LGI2: variants seen among roughly 807,000 people sequenced by gnomAD.
The protein encoded by LGI2 is leucine-rich repeat LGI family member 2.
In LGI2, 30 loss-of-function variants were observed where a neutral mutation model predicts 52.0. That is an observed-to-expected ratio of 0.58 (90% CI 0.43 to 0.78). The LOEUF (loss-of-function observed/expected upper bound fraction) is 0.78. Among genes scored for constraint, LGI2 ranks in the 30% least tolerant of loss-of-function variants. LGI2 has a pLI of 0.00. For synonymous variants in LGI2, 270 were observed against 271.8 expected (o/e 0.99, Z 0.06); for missense variants, 573 against 692.5 (o/e 0.83, Z 1.94).
chr4:25,021,194 T>C (rs7670617), intron 4 of LGI2, among the ~76,000 whole-genome samples: 57,905 of 151,904 alleles, frequency 0.38, 14,034 homozygotes, highest in East Asian at 0.69. Context: ...GGATTATTTA[T>C]CCCACTCACA....
At chr4:25,018,297 T>C in intron 5 of LGI2, 139 bp from the exon 6 acceptor site, 1 of 593,148 alleles carries the variant, frequency 1.7e-6, no homozygotes, top group Non-Finnish European at 2.9e-6. Context: ...TAAAAACTTT[T>C]ATAATTAATA....
intron 7 of LGI2, among the ~76,000 whole-genome samples, chr4:25,006,459 T>G (rs1379553225): frequency 1.3e-5 from 2 of 152,212 alleles, no homozygotes; most frequent in Non-Finnish European, 2.9e-5. Context: ...AAGGATTGGC[T>G]CTGGGGGCTG....
At position 25,026,155 on chromosome 4, in the gene LGI2, G is replaced by C. The variant is rs967849269; in HGVS notation, c.341+713C>G. Reference sequence around the variant, plus strand: ...ACCTGTTGAACTCAGACAAGAAAATGAGACAAGGCTTTAAAAATCCCTCTG... The same window carrying C: ...ACCTGTTGAACTCAGACAAGAAAATCAGACAAGGCTTTAAAAATCCCTCTG... On this transcript the variant is annotated intron_variant, in intron 3 of 7. Coordinates refer to ENST00000382114, the MANE Select transcript of LGI2 (RefSeq NM_018176.4). 2.0e-5 allele frequency among the ~76,000 whole-genome samples: 3 copies of C among 151,606 alleles called. No individual in the cohort carries two copies. The Admixed American group carries it at 2.0e-4, about 10-fold the overall frequency.
intron 4 of LGI2, among the ~76,000 whole-genome samples, chr4:25,022,609 C>T (rs1726007772): frequency 6.6e-6 from 1 of 152,180 alleles, no homozygotes; most frequent in Non-Finnish European, 1.5e-5. Flanking sequence ...GCCTCTTGTA[C>T]ACATGTACAC....
intron 7 of LGI2, among the ~76,000 whole-genome samples, chr4:25,010,370 AC>A (rs1725540409): frequency 6.6e-6 from 1 of 152,142 alleles, no homozygotes; most frequent in African/African-American, 2.4e-5. Flanking sequence ...ACCATGAGAA[AC>A]CCTGGGCTCA....
Position 25,030,520 on chromosome 4 carries a change from G to A in LGI2, c.174C>T (p.Ile58=), listed in dbSNP as rs531671519. The part of the protein sequence containing the change: ...ICVGSSWVPR[I]VPGDISSLSL... ...ACAGGGAGCTGATGTCGCCCGGCAC[G>A]ATCCTGGGCACCCAGGAAGAGCCCA... The change falls in exon 1 of 8, where the codon ATC becomes ATT. Residue 58 remains isoleucine (I), a synonymous_variant. Transcript: ENST00000382114. 6.3e-7 allele frequency: 1 copy of A among 1,594,786 alleles called. No homozygotes were observed. Among genetic ancestry groups the A allele is most frequent in the Admixed American group, 1.8e-5 (1 of 57,068 alleles).
At chr4:25,014,675 A>G (rs1390062784) in intron 6 of LGI2, among the ~76,000 whole-genome samples, 1 of 151,998 alleles carries the variant, frequency 6.6e-6, no homozygotes, top group Non-Finnish European at 1.5e-5. Flanking sequence ...CTAAAAATTA[A>G]GAAAAATTAG....
chr4:25,017,292 C>T (rs538138547), intron 6 of LGI2, among the ~76,000 whole-genome samples: 93 of 152,018 alleles, frequency 6.1e-4, no homozygotes, highest in African/African-American at 2.1e-3. Flanking sequence ...ACCTGTAATC[C>T]CAGCACTTTG....
intron 4 of LGI2, among the ~76,000 whole-genome samples, chr4:25,021,487 C>A (rs16876637): frequency 1.3e-5 from 2 of 152,106 alleles, no homozygotes; most frequent in African/African-American, 4.8e-5. Context: ...ATAGGAACTT[C>A]CGTAAGCACG....
rs750963597 is a variant in LGI2, at chr4:24,999,935, G to A, written c.*3516C>T. ...GTGGACAATGTGACAAGAACCAGATGTGTCTCAACCTCAACATCCTCCCCA... is the reference window on the plus strand; with the variant it reads ...GTGGACAATGTGACAAGAACCAGATATGTCTCAACCTCAACATCCTCCCCA... On this transcript the variant is annotated 3_prime_UTR_variant, in exon 8 of 8. Transcript: ENST00000382114. 1.3e-5 allele frequency: 6 copies of A among 452,036 alleles called. No individual in the cohort carries two copies. Among genetic ancestry groups the A allele is most frequent in the Non-Finnish European group, 2.2e-5 (5 of 224,484 alleles). 28.0% of individuals were successfully genotyped at this position (452,036 alleles called of 1,614,324 possible).
In LGI2 at chr4:25,000,259, T is replaced by C. The variant is rs2109400361; in HGVS notation, c.*3192A>G. The C allele has an allele frequency of 6.5e-6, 1 of 155,022 alleles. No individual in the cohort carries two copies. The highest frequency in any genetic ancestry group is 1.4e-5 in the Non-Finnish European group (1 of 69,924). 9.6% of individuals were successfully genotyped at this position (155,022 alleles called of 1,614,324 possible). A position where few individuals can be genotyped will look rare whatever the true frequency, so the allele number is the denominator to read the frequency against. On this transcript the variant is annotated 3_prime_UTR_variant, in exon 8 of 8. Coordinates refer to ENST00000382114, the MANE Select transcript of LGI2 (RefSeq NM_018176.4). ...CTTTCTCTGGGAGAGTATAGCAGGG[T>C]GTCTTAGAAAGAAAATACAATGTCT...
Position 25,018,029 on chromosome 4 carries a change from T to C in LGI2, c.615A>G (p.Leu205=), listed in dbSNP as rs1289309939. 2 of 1,612,886 alleles carry C rather than the reference T, an allele frequency of 1.2e-6. No homozygotes were observed. Among genetic ancestry groups the C allele is most frequent in the Non-Finnish European group, 1.7e-6 (2 of 1,179,794 alleles). The stretch of plus-strand genomic sequence containing the variant: ...CATAGTCAAAGCTGGTCACGTCATT[T>C]AGCTTCTTTTCCTGATACTCTGGTG... ...IGPPEYQEKK[L]NDVTSFDYEC... is the part of the protein sequence containing the mutation. The change falls in exon 6 of 8, where the codon CTA becomes CTG. Residue 205 remains leucine (L), a synonymous_variant. Coordinates refer to ENST00000382114, the MANE Select transcript of LGI2 (RefSeq NM_018176.4).
intron 7 of LGI2, among the ~76,000 whole-genome samples, chr4:25,008,322 G>A (rs1725458974): frequency 6.6e-6 from 1 of 152,102 alleles, no homozygotes. Flanking sequence ...GGAGGCCGAG[G>A]TGGGTGAATC....
chr4:25,008,783 G>T (rs1725474845), intron 7 of LGI2, among the ~76,000 whole-genome samples: 1 of 152,188 alleles, frequency 6.6e-6, no homozygotes, highest in African/African-American at 2.4e-5. Flanking sequence ...GTGGTAAAAA[G>T]AGGAGCCGGG....
Position 25,019,151 on chromosome 4 carries a change from A to G in LGI2, c.485+16T>C, listed in dbSNP as rs1232547343. The G allele has an allele frequency of 2.0e-6, 3 of 1,519,280 alleles. No individual in the cohort carries two copies. The East Asian group carries it at 6.8e-5, about 34-fold the overall frequency. The allele number at this position is 1,519,280 out of a possible 1,614,324, so 94.1% of individuals were successfully genotyped here. ...GCACAATGACAAACACACATAAACT[A>G]AATTTCATTACTTACAGTTCAATCA... On this transcript the variant is annotated intron_variant, in intron 5 of 7. Transcript: ENST00000382114.
At chr4:25,030,462 C>A (rs1300723880) in intron 1 of LGI2, 35 bp downstream of exon 1, 2 of 1,125,114 alleles carry the variant, frequency 1.8e-6, no homozygotes, top group Non-Finnish European at 1.2e-6. Context: ...CAGGGTGGGG[C>A]GGGACGGGAT....
chr4:25,021,870 G>T (rs1258378125), intron 4 of LGI2, among the ~76,000 whole-genome samples: 1 of 147,270 alleles, frequency 6.8e-6, no homozygotes, highest in Non-Finnish European at 1.5e-5. Flanking sequence ...GGCTGAGGTT[G>T]CAGTGAGCCA....
chr4:24,999,078 T>C lies in LGI2; in HGVS notation c.*4373A>G, dbSNP rs1725161180. On this transcript the variant is annotated 3_prime_UTR_variant, in exon 8 of 8. Coordinates refer to ENST00000382114, the MANE Select transcript of LGI2 (RefSeq NM_018176.4). Reference sequence around the variant, plus strand: ...AATGGTACCAAATAGCATATTGGCCTATTTTATCACAATTCTTATACATTC... The same window carrying C: ...AATGGTACCAAATAGCATATTGGCCCATTTTATCACAATTCTTATACATTC... 1 of 152,244 alleles carries C rather than the reference T, an allele frequency of 6.6e-6. No homozygotes were observed. Among genetic ancestry groups the C allele is most frequent in the South Asian group, 2.1e-4 (1 of 4,830 alleles). 9.4% of individuals were successfully genotyped at this position (152,244 alleles called of 1,614,324 possible).
At chr4:25,027,394 T>TAAAAAA (rs10615910) in intron 2 of LGI2, among the ~76,000 whole-genome samples, 2 of 144,380 alleles carry the variant, frequency 1.4e-5, no homozygotes, top group Non-Finnish European at 3.0e-5. Context: ...TAACAATAGT[T>TAAAAAA]AAAAAAAAAA....
Sources: allele counts gnomAD v4.1 joint callset (sites outside exome capture counted in the v4.1 genomes callset), GRCh38; gene constraint gnomAD v4.1.1; transcripts MANE v1.5; gene names NCBI Gene and HGNC (gene_info 2026-07-23, HGNC 2026-07-21).